KMT2C: variants seen among roughly 807,000 people sequenced by gnomAD.
KMT2C encodes the protein histone-lysine N-methyltransferase 2C.
In KMT2C, 88 loss-of-function variants were observed where a neutral mutation model predicts 507.9. That is an observed-to-expected ratio of 0.17 (90% CI 0.15 to 0.21). The LOEUF is 0.21. KMT2C is among the 10% of genes least tolerant of loss of function. The probability of loss-of-function intolerance (pLI) is 1.00; values close to 1 mark genes in which losing one functional copy is unlikely to be tolerated. For missense variants in KMT2C, 4,954 were observed against 5,957.8 expected, an observed-to-expected ratio of 0.83 and a Z score of 5.55; for synonymous variants, 2,049 against 2,080.8, an observed-to-expected ratio of 0.98 and a Z score of 0.42.
chr7:152,136,783 C>T lies in KMT2C; in HGVS notation c.*49G>A, dbSNP rs748338188. On this transcript the variant is annotated 3_prime_UTR_variant, in exon 59 of 59. Transcript: ENST00000262189. ...GCAAAATTCCAATGGTGTGTTGAAT[C>T]GCCTCTTCCTAGGGACAAGCCGCCC... 2.2e-5 allele frequency: 28 copies of T among 1,278,134 alleles called. No homozygotes were observed. The highest frequency in any genetic ancestry group is 6.7e-5 in the Admixed American group (4 of 59,404). The allele number at this position is 1,278,134 out of a possible 1,614,324, so 79.2% of individuals were successfully genotyped here. A position where few individuals can be genotyped will look rare whatever the true frequency, so the allele number is the denominator to read the frequency against.
intron 1 of KMT2C, among the ~76,000 whole-genome samples, chr7:152,372,115 T>C (rs1443556365): frequency 6.6e-6 from 1 of 152,158 alleles, no homozygotes; most frequent in Non-Finnish European, 1.5e-5. Flanking sequence ...ATAATTATTT[T>C]AAATGAAAAG....
At chr7:152,389,478 CTT>C (rs34188557) in intron 1 of KMT2C, among the ~76,000 whole-genome samples, 1 of 128,790 alleles carries the variant, frequency 7.8e-6, no homozygotes, top group Non-Finnish European at 1.7e-5. Flanking sequence ...TAATTATTTA[CTT>C]TTTTTTTTTT....
At chr7:152,261,525 CTTAG>C (rs958810804) in intron 9 of KMT2C, among the ~76,000 whole-genome samples, 6 of 152,000 alleles carry the variant, frequency 3.9e-5, no homozygotes, top group South Asian at 4.2e-4. Flanking sequence ...AAAAACCTAC[CTTAG>C]TTAAATTATC....
At chr7:152,335,902 T>A (rs2096929881) in intron 2 of KMT2C, among the ~76,000 whole-genome samples, 1 of 150,904 alleles carries the variant, frequency 6.6e-6, no homozygotes, top group Admixed American at 6.6e-5. Flanking sequence ...AGATTCAGAC[T>A]ATAGGGTTTT....
chr7:152,346,554 T>G (rs538310658), intron 2 of KMT2C, among the ~76,000 whole-genome samples: 1 of 151,968 alleles, frequency 6.6e-6, no homozygotes. Context: ...AAAAGAAAAT[T>G]TGTGAGATGC....
intron 2 of KMT2C, among the ~76,000 whole-genome samples, chr7:152,351,974 A>G (rs563789444): frequency 1.3e-5 from 2 of 152,364 alleles, no homozygotes; most frequent in South Asian, 4.1e-4. Flanking sequence ...AGCAATGTTC[A>G]GGGAACAAGA....
chr7:152,331,417 A>C (rs1263078433), intron 2 of KMT2C, among the ~76,000 whole-genome samples: 1 of 151,962 alleles, frequency 6.6e-6, no homozygotes, highest in Non-Finnish European at 1.5e-5. Flanking sequence ...CAGTAGTTCA[A>C]GACAGCCTGG....
chr7:152,250,012 C>T (rs189339144), intron 12 of KMT2C, 59 bp from the exon 13 acceptor site: 82 of 959,514 alleles, frequency 8.5e-5, no homozygotes, highest in Non-Finnish European at 8.7e-5. Context: ...ACACTGTTCC[C>T]TCAACAGTAA....
intron 1 of KMT2C, among the ~76,000 whole-genome samples, chr7:152,434,449 T>G (rs780471781): frequency 6.6e-6 from 1 of 152,172 alleles, no homozygotes; most frequent in Non-Finnish European, 1.5e-5. Flanking sequence ...CACGCTACTA[T>G]TTTTACTACA....
At chr7:152,260,539 AG>A (rs1327315286) in intron 9 of KMT2C, among the ~76,000 whole-genome samples, 2 of 152,110 alleles carry the variant, frequency 1.3e-5, no homozygotes, top group Non-Finnish European at 2.9e-5. Flanking sequence ...CATCTCCCAA[AG>A]CTTTCAGGAA....
chr7:152,290,260 A>ATG (rs1243638318), intron 6 of KMT2C, among the ~76,000 whole-genome samples: 106 of 18,686 alleles, frequency 5.7e-3, no homozygotes, highest in South Asian at 0.026. Flanking sequence ...GTGTATGTGT[A>ATG]TATATATATA....
intron 6 of KMT2C, among the ~76,000 whole-genome samples, chr7:152,281,881 TGA>T (rs1374993590): frequency 6.6e-6 from 1 of 152,208 alleles, no homozygotes; most frequent in Non-Finnish European, 1.5e-5. Context: ...TGAAAGGAAC[TGA>T]ACTCAAGGAG....
intron 2 of KMT2C, among the ~76,000 whole-genome samples, chr7:152,356,915 TAA>T (rs2097156907): frequency 2.1e-5 from 3 of 145,094 alleles, no homozygotes; most frequent in African/African-American, 7.6e-5. Context: ...ATAATAATAA[TAA>T]TAATAATAAT....
chr7:152,328,643 G>A (rs2096852940), intron 3 of KMT2C, among the ~76,000 whole-genome samples: 1 of 152,078 alleles, frequency 6.6e-6, no homozygotes, highest in African/African-American at 2.4e-5. Flanking sequence ...TTGCAACTGT[G>A]CTATAAACAA....
chr7:152,152,799 G>C lies in KMT2C; in HGVS notation c.12432C>G (p.Leu4144=), dbSNP rs924388772. 1 of 1,614,166 alleles carries C rather than the reference G, an allele frequency of 6.2e-7. No homozygotes were observed. The highest frequency in any genetic ancestry group is 2.2e-5 in the East Asian group (1 of 44,876). The change falls in exon 49 of 59, where the codon CTC becomes CTG. Residue 4144 remains leucine (L), a synonymous_variant. Transcript: ENST00000262189. ...TTGCAGATCCTGGCGGAGGCCCACG[G>C]AGAAGTAAATGCTGTCGATACTCCA... The part of the protein sequence containing the change: ...PGLEYRQHLL[L]RGPPPGSANP...
In KMT2C at chr7:152,181,221, T is replaced by C. The variant is rs1454368211; in HGVS notation, c.6639A>G (p.Gly2213=). 6.2e-7 allele frequency: 1 copy of C among 1,614,066 alleles called. No homozygotes were observed. The highest frequency in any genetic ancestry group is 2.2e-5 in the East Asian group (1 of 44,868). The stretch of plus-strand genomic sequence containing the variant: ...GTGGCTGAGAGTAAGGGACAGAAAT[T>C]CCAGGTCTTGGTGTTCCAGGAGGAT... The part of the protein sequence containing the change: ...YAHPPGTPRP[G]ISVPYSQPPA... The change falls in exon 36 of 59, where the codon GGA becomes GGG. Residue 2213 remains glycine, a synonymous_variant. Transcript: ENST00000262189.
rs147965462 is a variant in KMT2C at position 152,260,116 on chromosome 7, G to A, written c.1299+2900C>T. Among the ~76,000 whole-genome samples, 376 of 152,276 alleles carry A rather than the reference G, an allele frequency of 2.5e-3. 1 individual carries two copies. The highest frequency in any genetic ancestry group is 8.6e-3 in the African/African-American group (358 of 41,554). On this transcript the variant is annotated intron_variant, in intron 9 of 58. Transcript: ENST00000262189. ...TACACTGACTTAGGGAAGTTAAACA[G>A]GTAGCCAAAGATCATCAATTTAGTA...
chr7:152,256,502 T>A (rs552270692), intron 9 of KMT2C, among the ~76,000 whole-genome samples: 6 of 152,092 alleles, frequency 3.9e-5, no homozygotes, highest in Admixed American at 3.3e-4. Context: ...AAGGCTACAG[T>A]GAACTATGAC....
chr7:152,408,402 A>G (rs2097644292), intron 1 of KMT2C, among the ~76,000 whole-genome samples: 1 of 151,698 alleles, frequency 6.6e-6, no homozygotes, highest in Admixed American at 6.6e-5. Context: ...GCTTCAATAT[A>G]TTAAAAAAAT....
Sources: gnomAD v4.1 joint callset for allele counts (sites outside exome capture counted in the v4.1 genomes callset) on GRCh38, gnomAD v4.1.1 for gene constraint, MANE v1.5 for transcripts, NCBI Gene and HGNC (gene_info 2026-07-23, HGNC 2026-07-21) for gene names.